The following SHANK2 variants were observed in gnomAD, a reference collection of about 807,000 sequenced individuals.
SHANK2 encodes SH3 and multiple ankyrin repeat domains 2.
A neutral mutation model predicts 133.7 loss-of-function variants in SHANK2; 43 were observed. That is an observed-to-expected ratio of 0.32 (90% CI 0.25 to 0.41). SHANK2 has a LOEUF of 0.41. SHANK2 is among the 10% of genes least tolerant of loss of function. The probability of loss-of-function intolerance (pLI) is 1.00; values close to 1 mark genes in which losing one functional copy is unlikely to be tolerated. For synonymous variants in SHANK2, 1,017 were observed against 952.8 expected (o/e 1.07, Z -1.24); for missense variants, 1,994 against 2,235.8 (o/e 0.89, Z 2.18).
intron 13 of SHANK2, among the ~76,000 whole-genome samples, chr11:70,803,294 C>G (rs2135249306): frequency 6.9e-6 from 1 of 144,142 alleles, no homozygotes; most frequent in East Asian, 2.1e-4. Flanking sequence ...GCACATCCAT[C>G]CATCCATCCA....
At chr11:70,723,815 G>A (rs1946118892) in intron 14 of SHANK2, among the ~76,000 whole-genome samples, 2 of 152,170 alleles carry the variant, frequency 1.3e-5, no homozygotes, top group South Asian at 4.1e-4. Context: ...CAATATGGGA[G>A]AAGCAAACTG....
intron 1 of SHANK2, among the ~76,000 whole-genome samples, chr11:71,236,248 C>T (rs1954825118): frequency 6.6e-6 from 1 of 152,174 alleles, no homozygotes; most frequent in Admixed American, 6.5e-5. Context: ...TATTCAGGAA[C>T]AAAATTTAAA....
intron 17 of SHANK2, among the ~76,000 whole-genome samples, chr11:70,525,192 G>T (rs2059380475): frequency 6.6e-6 from 1 of 152,236 alleles, no homozygotes; most frequent in Admixed American, 6.5e-5. Flanking sequence ...TCGAGGACTT[G>T]GGAGCGCATC....
chr11:70,918,488 A>T (rs1245442311), intron 10 of SHANK2, among the ~76,000 whole-genome samples: 2 of 152,132 alleles, frequency 1.3e-5, no homozygotes, highest in African/African-American at 4.8e-5. Context: ...GTCTACATGG[A>T]TATCCTTATT....
chr11:70,756,286 G>A (rs1946871901), intron 14 of SHANK2, among the ~76,000 whole-genome samples: 7 of 152,112 alleles, frequency 4.6e-5, no homozygotes, highest in Admixed American at 4.6e-4. Context: ...ACCTGAAAAC[G>A]CTCAAATGCT....
At chr11:70,872,036 C>T (rs973087280) in intron 11 of SHANK2, among the ~76,000 whole-genome samples, 8 of 152,166 alleles carry the variant, frequency 5.3e-5, no homozygotes, top group Non-Finnish European at 7.3e-5. Flanking sequence ...GGCATGTGCA[C>T]GCTGCCTGCT....
At chr11:70,477,876 C>T (rs2058683598) in intron 25 of SHANK2, among the ~76,000 whole-genome samples, 1 of 152,178 alleles carries the variant, frequency 6.6e-6, no homozygotes, top group Non-Finnish European at 1.5e-5. Flanking sequence ...TGGATCTTCC[C>T]GGTTGCACAG....
chr11:70,841,012 C>T (rs1948894459), intron 11 of SHANK2, among the ~76,000 whole-genome samples: 1 of 152,130 alleles, frequency 6.6e-6, no homozygotes, highest in Admixed American at 6.5e-5. Flanking sequence ...TCTGTAATCC[C>T]AGCATTTTGG....
In SHANK2 at chr11:70,641,738, G is replaced by A. The variant is rs191619481; in HGVS notation, c.2061+18090C>T. ...AGAGGGGCAATAAATATCTTTCCAC[G>A]GCTCAAATGAACAGCCAGTTTTCAG... is the stretch of plus-strand genomic sequence containing the variant. On this transcript the variant is annotated intron_variant, in intron 17 of 25. Transcript: ENST00000601538. 2.6e-5 allele frequency among the ~76,000 whole-genome samples: 4 copies of A among 152,320 alleles called. No individual in the cohort carries two copies. In the East Asian group the frequency reaches 5.8e-4, roughly 22 times the overall value.
In SHANK2 at chr11:70,473,082, T is replaced by G; in HGVS notation, c.5337A>C (p.Thr1779=). The G allele has an allele frequency of 6.2e-7, 1 of 1,614,206 alleles. No individual in the cohort carries two copies. The highest frequency in any genetic ancestry group is 1.3e-5 in the African/African-American group (1 of 75,052). The change falls in exon 26 of 26, where the codon ACA becomes ACC. Residue 1779 remains threonine (T), a synonymous_variant. Transcript: ENST00000601538. This position sits in a 1 kb window ranked among gnomAD's most constrained non-coding sequence, Gnocchi z 5.9. ...LQQPISNKPF[T]TKPVHLWTKP... is the part of the protein sequence containing the mutation. The stretch of plus-strand genomic sequence containing the variant: ...TAGTCCACAGGTGGACAGGTTTAGT[T>G]GTAAAAGGCTTATTTGAGATTGGCT...
intron 17 of SHANK2, among the ~76,000 whole-genome samples, chr11:70,622,541 G>A (rs1004431678): frequency 5.3e-5 from 8 of 152,196 alleles, no homozygotes; most frequent in Non-Finnish European, 8.8e-5. Context: ...TCTGGGAGGG[G>A]CCATCCGTTC....
intron 17 of SHANK2, among the ~76,000 whole-genome samples, chr11:70,638,626 T>C (rs2061137546): frequency 6.6e-6 from 1 of 152,238 alleles, no homozygotes; most frequent in Non-Finnish European, 1.5e-5. Context: ...TCAGCATTTC[T>C]TGTACAATAA....
chr11:71,211,243 C>T (rs1004245849), intron 2 of SHANK2, among the ~76,000 whole-genome samples: 3 of 124,234 alleles, frequency 2.4e-5, no homozygotes, highest in African/African-American at 9.3e-5. Context: ...TTAAAATTTA[C>T]ACATCATCGA....
chr11:70,597,827 C>T (rs1484554657), intron 17 of SHANK2, among the ~76,000 whole-genome samples: 2 of 152,170 alleles, frequency 1.3e-5, no homozygotes, highest in Admixed American at 6.5e-5. Context: ...GAGCTGAGAT[C>T]GCACCACTGC....
intron 8 of SHANK2, among the ~76,000 whole-genome samples, chr11:71,091,999 G>A (rs1189205668): frequency 5.9e-5 from 9 of 152,160 alleles, no homozygotes; most frequent in African/African-American, 2.2e-4. Context: ...CACGCCCCTC[G>A]TGCGTGCAAA....
At chr11:71,208,584 C>T (rs1954181672) in intron 2 of SHANK2, among the ~76,000 whole-genome samples, 1 of 152,062 alleles carries the variant, frequency 6.6e-6, no homozygotes, top group African/African-American at 2.4e-5. Flanking sequence ...ACAGCCCTGC[C>T]TCAAGGGAGC....
intron 2 of SHANK2, among the ~76,000 whole-genome samples, chr11:71,159,706 G>A (rs1413824418): frequency 3.9e-5 from 6 of 152,156 alleles, no homozygotes; most frequent in South Asian, 4.1e-4. Flanking sequence ...ACCTCAGGCC[G>A]GGCATGGTGG....
chr11:70,701,164 A>T (rs916164269), intron 14 of SHANK2, among the ~76,000 whole-genome samples: 1 of 150,544 alleles, frequency 6.6e-6, no homozygotes, highest in Non-Finnish European at 1.5e-5. Context: ...GTGTGTGTGT[A>T]CGCGTGTGTG....
rs537937799 is a variant in SHANK2, at chr11:70,893,891, T to C, written c.1174+2610A>G. On this transcript the variant is annotated intron_variant, in intron 11 of 25. Transcript: ENST00000601538. The stretch of plus-strand genomic sequence containing the variant: ...ACCTCGATCCTGGCACTTCAAAATA[T>C]GTTAGTCACGTGAGCCTGTGGTGGG... Among the ~76,000 whole-genome samples the C allele has an allele frequency of 2.0e-5, 3 of 152,328 alleles. No individual in the cohort carries two copies. The East Asian group carries it at 5.8e-4, about 29-fold the overall frequency.
Sources: gnomAD v4.1 joint callset for allele counts (sites outside exome capture counted in the v4.1 genomes callset) on GRCh38, gnomAD v4.1.1 for gene constraint, Gnocchi (gnomAD v3.1) non-coding constraint, MANE v1.5 for transcripts, NCBI Gene and HGNC (gene_info 2026-07-23, HGNC 2026-07-21) for gene names.